Variants in LTBP1 observed in about 807,000 individuals in gnomAD.
The protein encoded by LTBP1 is latent transforming growth factor beta binding protein 1.
Under a neutral mutation model 207.6 loss-of-function variants are expected in LTBP1, and 129 were observed. The ratio of observed to expected loss-of-function variants is 0.62; its 90% CI spans 0.54 to 0.72. LTBP1 has a LOEUF of 0.72. Ranked by LOEUF, LTBP1 falls within the 30% of genes least tolerant of loss-of-function variation. The pLI is 0.00. For missense variants in LTBP1, 2,281 were observed against 2,217.2 expected (o/e 1.03, Z -0.58); for synonymous variants, 963 against 833.7 (o/e 1.16, Z -2.67).
chr2:33,357,424 A>G (rs894703217), intron 26 of LTBP1, among the ~76,000 whole-genome samples: 1 of 152,200 alleles, frequency 6.6e-6, no homozygotes, highest in African/African-American at 2.4e-5. Flanking sequence ...GAACAAACCC[A>G]TGCTATGTGA....
intron 3 of LTBP1, among the ~76,000 whole-genome samples, chr2:33,091,683 C>T (rs898729512): frequency 2.0e-5 from 3 of 152,158 alleles, no homozygotes; most frequent in African/African-American, 7.2e-5. Flanking sequence ...TGGCAAGAAT[C>T]CCCTGTACTT....
At chr2:33,371,238 C>A (rs2095063524) in intron 31 of LTBP1, among the ~76,000 whole-genome samples, 1 of 152,230 alleles carries the variant, frequency 6.6e-6, no homozygotes, top group Non-Finnish European at 1.5e-5. Flanking sequence ...TTTTCCTTCA[C>A]CATGGATGTA....
chr2:32,975,520 A>G (rs1224736199), intron 2 of LTBP1, among the ~76,000 whole-genome samples: 1 of 145,500 alleles, frequency 6.9e-6, no homozygotes, highest in Admixed American at 6.9e-5. Flanking sequence ...AGGGATGCCC[A>G]TGAGTCATAG....
chr2:33,287,373 C>A (rs1428993919), intron 19 of LTBP1, among the ~76,000 whole-genome samples: 1 of 152,112 alleles, frequency 6.6e-6, no homozygotes, highest in Non-Finnish European at 1.5e-5. Context: ...TTGTTCTGTA[C>A]AATGTCTCAT....
chr2:33,262,705 A>G lies in LTBP1; in HGVS notation c.2419-17A>G. On this transcript the variant is annotated splice_polypyrimidine_tract_variant and intron_variant, in intron 13 of 33. Transcript: ENST00000404816. ...TCTTTTTTTTTTCTTATTCTCTTTTAAAATACAACCATCCAGGAAATACCT... is the reference window on the plus strand; with the variant it reads ...TCTTTTTTTTTTCTTATTCTCTTTTGAAATACAACCATCCAGGAAATACCT... The G allele has an allele frequency of 8.6e-6, 12 of 1,396,674 alleles. No homozygotes were observed. The highest frequency in any genetic ancestry group is 1.2e-5 in the Non-Finnish European group (12 of 1,003,440). The allele number at this position is 1,396,674 out of a possible 1,614,324, so 86.5% of individuals were successfully genotyped here.
At chr2:33,160,385 T>A (rs1054362411) in intron 5 of LTBP1, among the ~76,000 whole-genome samples, 1 of 152,184 alleles carries the variant, frequency 6.6e-6, no homozygotes, top group African/African-American at 2.4e-5. Context: ...AGGTCATTCA[T>A]GTGGTTAGAG....
chr2:33,026,392 A>AAT (rs1172545800), intron 3 of LTBP1, among the ~76,000 whole-genome samples: 9 of 152,184 alleles, frequency 5.9e-5, no homozygotes, highest in East Asian at 5.8e-4. Flanking sequence ...ATGTTTGCTT[A>AAT]ATATATATAT....
chr2:33,277,760 CCTTTCTTTCTTTCTTTCTTT>C lies in LTBP1; in HGVS notation c.2992+1856_2992+1875del, dbSNP rs370778507. ...GAAGTCAAATACTGATTTTTTTTTCCCTTTCTTTCTTTCTTTCTTTCTTTCTTTCTTTCTTTCTCTCTCTC... is the reference window on the plus strand; with the variant it reads ...GAAGTCAAATACTGATTTTTTTTTCCCTTTCTTTCTTTCTTTCTCTCTCTC... On this transcript the variant is annotated intron_variant, in intron 18 of 33. Transcript: ENST00000404816. 6.2e-3 allele frequency among the ~76,000 whole-genome samples: 596 copies of C among 95,470 alleles called. 8 individuals are homozygous for C. Among genetic ancestry groups the C allele is most frequent in the African/African-American group, 0.028 (527 of 18,730 alleles). 62.6% of individuals were successfully genotyped at this position (95,470 alleles called of 152,430 possible). A position where few individuals can be genotyped will look rare whatever the true frequency, so the allele number is the denominator to read the frequency against.
chr2:33,261,610 A>C (rs576903979), intron 13 of LTBP1, among the ~76,000 whole-genome samples: 1 of 152,208 alleles, frequency 6.6e-6, no homozygotes, highest in Non-Finnish European at 1.5e-5. Context: ...GCAATGAAAA[A>C]TGAAAGAGGG....
At chr2:33,129,322 T>C (rs2081619970) in intron 4 of LTBP1, among the ~76,000 whole-genome samples, 1 of 152,218 alleles carries the variant, frequency 6.6e-6, no homozygotes, top group Non-Finnish European at 1.5e-5. Flanking sequence ...GGCTCCGGAC[T>C]GCAGTCCAGG....
intron 2 of LTBP1, among the ~76,000 whole-genome samples, chr2:32,955,706 C>T (rs771373404): frequency 6.6e-6 from 1 of 151,906 alleles, no homozygotes; most frequent in Non-Finnish European, 1.5e-5. Flanking sequence ...TTTAAAAGCT[C>T]CCTGATGTGG....
chr2:33,140,607 A>G (rs1321716692), intron 5 of LTBP1, among the ~76,000 whole-genome samples: 1 of 151,944 alleles, frequency 6.6e-6, no homozygotes, highest in African/African-American at 2.4e-5. Flanking sequence ...ATTTTCTAAT[A>G]CTGAATAAAT....
intron 3 of LTBP1, among the ~76,000 whole-genome samples, chr2:33,038,933 G>GCCTGCCTCTGGGCA (rs2076054717): frequency 6.6e-6 from 1 of 152,192 alleles, no homozygotes. Flanking sequence ...GCCTCTGGGT[G>GCCTGCCTCTGGGCA]CCTGCCTCTG....
At chr2:33,234,100 G>A (rs1193858206) in intron 9 of LTBP1, among the ~76,000 whole-genome samples, 1 of 152,096 alleles carries the variant, frequency 6.6e-6, no homozygotes, top group Non-Finnish European at 1.5e-5. Context: ...TCACTCAACA[G>A]TATATGGCCA....
chr2:33,295,192 C>T (rs958018827), intron 20 of LTBP1, among the ~76,000 whole-genome samples: 17 of 150,882 alleles, frequency 1.1e-4, no homozygotes, highest in African/African-American at 2.4e-4. Context: ...CTCATTTATC[C>T]GGCTTTTTAT....
At chr2:33,242,541 C>T (rs2092364677) in intron 9 of LTBP1, among the ~76,000 whole-genome samples, 2 of 151,744 alleles carry the variant, frequency 1.3e-5, no homozygotes, top group African/African-American at 4.8e-5. Context: ...CTTCTTTCTT[C>T]CTCAGAACTC....
intron 22 of LTBP1, among the ~76,000 whole-genome samples, chr2:33,309,149 G>C (rs933293601): frequency 6.6e-6 from 1 of 151,954 alleles, no homozygotes; most frequent in Non-Finnish European, 1.5e-5. Context: ...TGGGCGTGGT[G>C]GTGGGCGCCT....
chr2:32,964,587 T>G (rs1431523176), intron 2 of LTBP1, among the ~76,000 whole-genome samples: 2 of 152,186 alleles, frequency 1.3e-5, no homozygotes, highest in South Asian at 4.1e-4. Flanking sequence ...TATTTCCAAA[T>G]ATGTTAACTT....
At chr2:33,347,334 C>T in intron 25 of LTBP1, 33 bp from the exon 26 acceptor site, 1 of 1,613,528 alleles carries the variant, frequency 6.2e-7, no homozygotes, top group East Asian at 2.2e-5. Context: ...GAATGAGGCA[C>T]ACATCTCACT....
Sources: gnomAD v4.1 joint callset for allele counts (sites outside exome capture counted in the v4.1 genomes callset) on GRCh38, gnomAD v4.1.1 for gene constraint, MANE v1.5 for transcripts, NCBI Gene and HGNC (gene_info 2026-07-23, HGNC 2026-07-21) for gene names.